The following SLC2A9 variants were observed in gnomAD, a reference collection of about 807,000 sequenced individuals.
SLC2A9 encodes solute carrier family 2, facilitated glucose transporter member 9.
Under a neutral mutation model 50.6 loss-of-function variants are expected in SLC2A9, and 39 were observed. The ratio of observed to expected loss-of-function variants is 0.77; its 90% CI spans 0.60 to 1.01. SLC2A9 has a LOEUF of 1.01. Ranked by LOEUF, SLC2A9 falls within the 50% of genes least tolerant of loss-of-function variation. SLC2A9 has a pLI of 0.00. For missense variants in SLC2A9, 686 were observed against 677.6 expected (o/e 1.01, Z -0.14); for synonymous variants, 324 against 276.9 (o/e 1.17, Z -1.69).
intron 3 of SLC2A9, among the ~76,000 whole-genome samples, chr4:9,807,638 C>T (rs1258584849): frequency 1.3e-5 from 2 of 152,194 alleles, no homozygotes; most frequent in Non-Finnish European, 2.9e-5. Context: ...CTTACTTGGA[C>T]TCTGCAAACT....
intron 5 of SLC2A9, among the ~76,000 whole-genome samples, chr4:9,961,074 T>G (rs1752191445): frequency 1.3e-5 from 2 of 152,156 alleles, no homozygotes; most frequent in South Asian, 4.2e-4. Context: ...AAACTAAGCC[T>G]CAGAGAAGTG....
downstream of SLC2A9, among the ~76,000 whole-genome samples, chr4:9,775,569 G>C (rs1329014361): frequency 6.6e-6 from 1 of 152,136 alleles, no homozygotes; most frequent in African/African-American, 2.4e-5. Context: ...CCATGGCTTG[G>C]TGCTGTCTTC....
intron 3 of SLC2A9, among the ~76,000 whole-genome samples, chr4:9,786,989 C>A (rs1004318670): frequency 6.6e-6 from 1 of 152,196 alleles, no homozygotes; most frequent in Non-Finnish European, 1.5e-5. Context: ...GACTCCAGGT[C>A]CCAGCTCCCT....
chr4:10,027,172 G>A (rs776615179), intron 1 of SLC2A9, among the ~76,000 whole-genome samples: 5 of 152,194 alleles, frequency 3.3e-5, no homozygotes, highest in African/African-American at 1.2e-4. Flanking sequence ...CAGGACTGGG[G>A]GAAGGGGCAG....
chr4:9,931,532 C>G (rs1290561764), intron 6 of SLC2A9, among the ~76,000 whole-genome samples: 1 of 152,110 alleles, frequency 6.6e-6, no homozygotes, highest in Non-Finnish European at 1.5e-5. Context: ...CTTACAGAAA[C>G]AGCCCTTCAA....
intron 2 of SLC2A9, among the ~76,000 whole-genome samples, chr4:10,013,167 C>T (rs571037623): frequency 4.6e-5 from 7 of 152,156 alleles, no homozygotes; most frequent in Non-Finnish European, 1.0e-4. Flanking sequence ...ATGCAAAGTC[C>T]AGTGTGCGTT....
At chr4:9,954,092 A>G (rs1260026429) in intron 5 of SLC2A9, among the ~76,000 whole-genome samples, 1 of 152,220 alleles carries the variant, frequency 6.6e-6, no homozygotes, top group Non-Finnish European at 1.5e-5. Flanking sequence ...TACAGGCTTG[A>G]GCCACTGCGC....
rs151064542 is a variant in SLC2A9 at position 9,985,935 on chromosome 4, C to T, written c.411-142G>A. On this transcript the variant is annotated intron_variant, in intron 3 of 11. Transcript: ENST00000264784. ...CACAGTGCAGGGAGCACTGGCCTTG[C>T]CACCTCTGGCTGTGTGACTGGGTTC... 4.2e-6 allele frequency: 5 copies of T among 1,178,400 alleles called. No individual in the cohort carries two copies. In the East Asian group the frequency reaches 1.0e-4, roughly 24 times the overall value. 73.0% of individuals were successfully genotyped at this position (1,178,400 alleles called of 1,614,324 possible). A position where few individuals can be genotyped will look rare whatever the true frequency, so the allele number is the denominator to read the frequency against.
intron 10 of SLC2A9, among the ~76,000 whole-genome samples, chr4:9,859,184 A>C (rs1042537915): frequency 1.3e-5 from 2 of 152,180 alleles, no homozygotes; most frequent in African/African-American, 4.8e-5. Flanking sequence ...ATGTGAGTCA[A>C]TTCTCCTTAA....
intron 8 of SLC2A9, among the ~76,000 whole-genome samples, chr4:9,906,713 C>T (rs1334060053): frequency 1.3e-5 from 2 of 152,182 alleles, no homozygotes; most frequent in Non-Finnish European, 2.9e-5. Flanking sequence ...CAATAAAATA[C>T]TTTACAAAAA....
In SLC2A9 at chr4:9,964,098, G is replaced by A. The variant is rs554889389; in HGVS notation, c.681+16494C>T. On this transcript the variant is annotated intron_variant, in intron 5 of 11. Coordinates refer to ENST00000264784, the MANE Select transcript of SLC2A9 (RefSeq NM_020041.3). The stretch of plus-strand genomic sequence containing the variant: ...AATCAGGGAGTCAACACTGAATATC[G>A]AGGGGGAGACATTCGAGAATTCTTA... 3.9e-5 allele frequency among the ~76,000 whole-genome samples: 6 copies of A among 152,310 alleles called. No homozygotes were observed. The South Asian group carries it at 1.0e-3, about 26-fold the overall frequency.
At chr4:9,847,239 G>A (rs1039815147) in intron 10 of SLC2A9, among the ~76,000 whole-genome samples, 33 of 152,350 alleles carry the variant, frequency 2.2e-4, no homozygotes, top group African/African-American at 6.5e-4. Flanking sequence ...GAAGCCTGAG[G>A]AAACTTATGA....
chr4:10,013,196 T>C (rs1762054590), intron 2 of SLC2A9, among the ~76,000 whole-genome samples: 2 of 152,332 alleles, frequency 1.3e-5, no homozygotes, highest in South Asian at 2.1e-4. Context: ...CTCTGCCATC[T>C]GGGGGAAGAA....
chr4:9,888,625 G>A (rs954405400), intron 9 of SLC2A9, among the ~76,000 whole-genome samples: 4 of 151,992 alleles, frequency 2.6e-5, no homozygotes, highest in African/African-American at 9.7e-5. Flanking sequence ...AAGAGCCTGC[G>A]TTCATCTCTG....
intron 11 of SLC2A9, 32 bp from the exon 12 acceptor site, chr4:9,826,632 T>A (rs745683515): frequency 1.9e-6 from 3 of 1,596,622 alleles, no homozygotes; most frequent in South Asian, 2.2e-5. Flanking sequence ...AACCCTCAAA[T>A]AGATAATCAG....
intron 3 of SLC2A9, among the ~76,000 whole-genome samples, chr4:9,803,303 T>C (rs778625863): frequency 6.6e-6 from 1 of 152,276 alleles, no homozygotes; most frequent in Non-Finnish European, 1.5e-5. Context: ...ATGATTTTGA[T>C]GGTGATGATA....
chr4:9,890,513 A>T, intron 9 of SLC2A9, 97 bp downstream of exon 9: 1 of 1,111,856 alleles, frequency 9.0e-7, no homozygotes, highest in Non-Finnish European at 1.4e-6. Context: ...TGTTTTCTGT[A>T]GAAGTATGAA....
chr4:9,915,056 C>T (rs1396072525), intron 7 of SLC2A9, among the ~76,000 whole-genome samples: 1 of 152,196 alleles, frequency 6.6e-6, no homozygotes, highest in South Asian at 2.1e-4. Flanking sequence ...GCCTGGTCTT[C>T]TTTGAACTCT....
At chr4:9,900,287 C>T (rs919926259) in intron 8 of SLC2A9, among the ~76,000 whole-genome samples, 2 of 152,112 alleles carry the variant, frequency 1.3e-5, no homozygotes, top group African/African-American at 4.8e-5. Flanking sequence ...TGGGGCCGGA[C>T]ACAGGGGAGC....
Sources: gnomAD v4.1 joint callset for allele counts (sites outside exome capture counted in the v4.1 genomes callset) on GRCh38, gnomAD v4.1.1 for gene constraint, MANE v1.5 for transcripts, NCBI Gene and HGNC (gene_info 2026-07-23, HGNC 2026-07-21) for gene names.